The following ZFPM2 variants were observed in gnomAD, a reference collection of about 807,000 sequenced individuals.
ZFPM2 encodes zinc finger protein ZFPM2.
Under a neutral mutation model 98.6 loss-of-function variants are expected in ZFPM2, and 20 were observed. That is an observed-to-expected ratio of 0.20 (90% CI 0.14 to 0.29). The LOEUF is 0.29. ZFPM2 is among the 10% of genes least tolerant of loss of function. ZFPM2 has a pLI of 1.00. For synonymous variants in ZFPM2, 518 were observed against 502.7 expected, an observed-to-expected ratio of 1.03 and a Z score of -0.41; for missense variants, 1,310 against 1,388.6, an observed-to-expected ratio of 0.94 and a Z score of 0.90.
intron 1 of ZFPM2, among the ~76,000 whole-genome samples, chr8:105,405,844 C>T (rs374283442): frequency 5.3e-5 from 8 of 151,984 alleles, no homozygotes; most frequent in South Asian, 2.1e-4. Flanking sequence ...AGATCCCTGA[C>T]GAATTGCCAC....
chr8:105,585,286 A>T (rs964688445), intron 4 of ZFPM2, among the ~76,000 whole-genome samples: 4 of 152,190 alleles, frequency 2.6e-5, no homozygotes, highest in African/African-American at 9.7e-5. Flanking sequence ...AGTATATGTA[A>T]ACCTTTTCAG....
At chr8:105,581,463 C>A (rs550739283) in intron 4 of ZFPM2, among the ~76,000 whole-genome samples, 1 of 144,496 alleles carries the variant, frequency 6.9e-6, no homozygotes, top group Non-Finnish European at 1.5e-5. Context: ...TTTTCTATTT[C>A]TTATGATAGA....
intron 5 of ZFPM2, among the ~76,000 whole-genome samples, chr8:105,681,804 C>G (rs1810610545): frequency 1.3e-5 from 2 of 152,084 alleles, no homozygotes; most frequent in African/African-American, 2.4e-5. Context: ...TAACTGGACT[C>G]TATAATTACT....
intron 5 of ZFPM2, chr8:105,787,261 T>C (rs1813440107): frequency 6.6e-6 from 1 of 152,242 alleles, no homozygotes; most frequent in South Asian, 2.1e-4. Flanking sequence ...AAAATGAATC[T>C]GTTTTATTCA....
chr8:105,803,744 T>C lies in ZFPM2; in HGVS notation c.*206T>C. 5.4e-6 allele frequency: 3 copies of C among 557,208 alleles called. No individual in the cohort carries two copies. The highest frequency in any genetic ancestry group is 9.5e-6 in the Non-Finnish European group (3 of 317,066). 34.5% of individuals were successfully genotyped at this position (557,208 alleles called of 1,614,324 possible). A position where few individuals can be genotyped will look rare whatever the true frequency, so the allele number is the denominator to read the frequency against. On this transcript the variant is annotated 3_prime_UTR_variant, in exon 8 of 8. Transcript: ENST00000407775. Reference sequence around the variant, plus strand: ...CATTTTCAAAAAAATTAATTTATTTTACCAGCAGTATTCATAGCTGTGGTT... The same window carrying C: ...CATTTTCAAAAAAATTAATTTATTTCACCAGCAGTATTCATAGCTGTGGTT...
At chr8:105,453,482 T>C (rs1586383877) in intron 3 of ZFPM2, among the ~76,000 whole-genome samples, 1 of 152,176 alleles carries the variant, frequency 6.6e-6, no homozygotes, top group East Asian at 1.9e-4. Context: ...TTTTATACTT[T>C]AATATGCAAA....
intron 1 of ZFPM2, among the ~76,000 whole-genome samples, chr8:105,397,472 T>A (rs1811246037): frequency 6.6e-6 from 1 of 152,190 alleles, no homozygotes; most frequent in African/African-American, 2.4e-5. Context: ...TTCAGTGTAT[T>A]TGTTCATGAT....
intron 3 of ZFPM2, among the ~76,000 whole-genome samples, chr8:105,446,338 TC>T (rs1812369618): frequency 2.6e-5 from 4 of 152,230 alleles, no homozygotes; most frequent in Non-Finnish European, 4.4e-5. Flanking sequence ...TCTGGCTTAC[TC>T]TTATGATGGG....
At chr8:105,638,413 A>G (rs1816889828) in intron 5 of ZFPM2, among the ~76,000 whole-genome samples, 1 of 152,084 alleles carries the variant, frequency 6.6e-6, no homozygotes. Flanking sequence ...GGTATCACAT[A>G]TTATTTCCTA....
In ZFPM2 at chr8:105,773,039, T is replaced by G. The variant is rs577881436; in HGVS notation, c.533-15679T>G. On this transcript the variant is annotated intron_variant, in intron 5 of 7. Coordinates refer to ENST00000407775, the MANE Select transcript of ZFPM2 (RefSeq NM_012082.4). The stretch of plus-strand genomic sequence containing the variant: ...AATCTTTGGGGATTATAAACCTTGG[T>G]GTAGCAACTTAACATTTAAGGTAGA... Among the ~76,000 whole-genome samples the G allele has an allele frequency of 2.0e-4, 31 of 152,328 alleles. No individual in the cohort carries two copies. In the South Asian group the frequency reaches 6.4e-3, roughly 32 times the overall value.
intron 5 of ZFPM2, chr8:105,678,842 A>G (rs1022072657): frequency 6.6e-6 from 1 of 152,292 alleles, no homozygotes; most frequent in African/African-American, 2.4e-5. Flanking sequence ...AATCAGCATA[A>G]TGCAGCATAA....
Position 105,803,093 on chromosome 8 carries a change from T to A in ZFPM2, c.3011T>A (p.Ile1004Asn). ...TCTCTTGTCATCCATAACACTGACA[T>A]CGAGCAAAGCAGAAATGCAGAAAAT... ...SGSLVIHNTDIEQSRNAENES... is the reference protein window; with the variant it reads ...SGSLVIHNTDNEQSRNAENES... The change falls in exon 8 of 8, where the codon ATC (isoleucine) becomes AAC (asparagine). Residue 1004 changes from isoleucine to asparagine, a missense_variant. Coordinates refer to ENST00000407775, the MANE Select transcript of ZFPM2 (RefSeq NM_012082.4). 3 of 1,613,902 alleles carry A rather than the reference T, an allele frequency of 1.9e-6. No homozygotes were observed. Among genetic ancestry groups the A allele is most frequent in the Non-Finnish European group, 2.5e-6 (3 of 1,179,858 alleles).
chr8:105,511,133 A>G (rs1224449564), intron 3 of ZFPM2, among the ~76,000 whole-genome samples: 2 of 152,208 alleles, frequency 1.3e-5, no homozygotes, highest in African/African-American at 4.8e-5. Context: ...CTGGCTGGGC[A>G]TGGCCAGACT....
At chr8:105,566,684 A>G (rs993905005) in intron 4 of ZFPM2, among the ~76,000 whole-genome samples, 4 of 152,168 alleles carry the variant, frequency 2.6e-5, no homozygotes, top group African/African-American at 4.8e-5. Context: ...TTTAAATATT[A>G]TCAACTGTTG....
intron 5 of ZFPM2, among the ~76,000 whole-genome samples, chr8:105,702,976 A>G (rs966036556): frequency 6.6e-6 from 1 of 152,186 alleles, no homozygotes; most frequent in Non-Finnish European, 1.5e-5. Flanking sequence ...CCAGTTCTGT[A>G]GCACTTCTCC....
intron 3 of ZFPM2, among the ~76,000 whole-genome samples, chr8:105,509,159 T>C (rs1813763235): frequency 6.6e-6 from 1 of 152,198 alleles, no homozygotes; most frequent in African/African-American, 2.4e-5. Context: ...GTTCTGTGGC[T>C]ACACATCTGT....
chr8:105,418,695 A>G (rs567327117), intron 1 of ZFPM2: 4 of 495,508 alleles, frequency 8.1e-6, no homozygotes, highest in South Asian at 1.5e-5. Flanking sequence ...TATAGACTTT[A>G]TTAAAATCTC....
intron 6 of ZFPM2, among the ~76,000 whole-genome samples, chr8:105,791,973 TTC>T (rs993628719): frequency 1.3e-5 from 2 of 152,218 alleles, no homozygotes; most frequent in African/African-American, 2.4e-5. Context: ...TATTTGATTC[TTC>T]TCTCTTTTTT....
intron 1 of ZFPM2, among the ~76,000 whole-genome samples, chr8:105,361,044 G>T (rs1490981202): frequency 1.4e-5 from 2 of 141,304 alleles, no homozygotes; most frequent in Non-Finnish European, 3.1e-5. Context: ...CTGAGGAATC[G>T]CCACACTGAC....
Sources: allele counts gnomAD v4.1 joint callset (sites outside exome capture counted in the v4.1 genomes callset), GRCh38; gene constraint gnomAD v4.1.1; transcripts MANE v1.5; gene names NCBI Gene and HGNC (gene_info 2026-07-23, HGNC 2026-07-21).